Variants in SGK1 observed in about 807,000 individuals in gnomAD.
SGK1 encodes the protein serum/glucocorticoid regulated kinase 1.
SGK1 carries 26 observed loss-of-function variants against 64.2 expected under a neutral mutation model. That is an observed-to-expected ratio of 0.40 (90% confidence interval 0.30 to 0.56). The LOEUF (loss-of-function observed/expected upper bound fraction) is 0.56. Ranked by LOEUF, SGK1 falls within the 20% of genes least tolerant of loss-of-function variation. The probability of loss-of-function intolerance (pLI) is 0.38; values close to 1 mark genes in which losing one functional copy is unlikely to be tolerated. For missense variants in SGK1, 519 were observed against 645.6 expected (o/e 0.80, Z 2.12); for synonymous variants, 265 against 239.7 (o/e 1.11, Z -0.98).
At chr6:134,232,398 A>C (rs1776292930) in intron 2 of SGK1, among the ~76,000 whole-genome samples, 1 of 32,498 alleles carries the variant, frequency 3.1e-5, no homozygotes, top group Admixed American at 4.3e-4. Context: ...AAAAGAAAGA[A>C]GAAAAAGAAA....
chr6:134,171,635 AC>A lies in SGK1; in HGVS notation c.1167+1del. ...TTCCATGGTTCCCAATGTGCCACTCACCAGGCCATACAGCATCTCATACAAG... is the reference window on the plus strand; with the variant it reads ...TTCCATGGTTCCCAATGTGCCACTCACAGGCCATACAGCATCTCATACAAG... On this transcript the variant is annotated splice_donor_variant, in intron 11 of 13. Transcript: ENST00000367858. LOFTEE classifies it high-confidence loss of function. The A allele has an allele frequency of 6.2e-7, 1 of 1,607,282 alleles. No homozygotes were observed. Among genetic ancestry groups the A allele is most frequent in the Non-Finnish European group, 8.5e-7 (1 of 1,173,816 alleles).
intron 3 of SGK1, among the ~76,000 whole-genome samples, chr6:134,202,037 A>G (rs958899702): frequency 5.3e-5 from 8 of 152,198 alleles, no homozygotes; most frequent in Admixed American, 2.0e-4. Context: ...ATTCTACTCT[A>G]GGCACATCAT....
chr6:134,175,614 CAGG>C (rs1293863528), intron 3 of SGK1: 4 of 1,543,676 alleles, frequency 2.6e-6, no homozygotes, highest in Non-Finnish European at 3.5e-6. Flanking sequence ...GGGGCCGCAG[CAGG>C]GACTCGAGCC....
At chr6:134,252,616 C>CAAAAAAAAAAAAAAAAAAAA (rs11418007) in intron 2 of SGK1, among the ~76,000 whole-genome samples, 1 of 65,990 alleles carries the variant, frequency 1.5e-5, no homozygotes, top group African/African-American at 6.3e-5. Context: ...GATTCCACCT[C>CAAAAAAAAAAAAAAAAAAAA]AAAAAAAAAA....
rs199735060 is a variant in SGK1, at chr6:134,170,829, A to G, written c.1410T>C (p.Asn470=). Residue 470 remains asparagine, a synonymous_variant, in exon 13 of 14, where the codon AAT becomes AAC. Transcript: ENST00000367858. ...TAGAAGAGAGACAGATACTCACCACATTTGGGTTAAAAGGGGGAGTAATCT... is the reference window on the plus strand; with the variant it reads ...TAGAAGAGAGACAGATACTCACCACGTTTGGGTTAAAAGGGGGAGTAATCT... ...NKKITPPFNP[N]VSGPNDLRHF... 1.3e-6 allele frequency: 2 copies of G among 1,585,804 alleles called. No individual in the cohort carries two copies. The highest frequency in any genetic ancestry group is 2.2e-5 in the East Asian group (1 of 44,752).
chr6:134,183,166 GATTT>G (rs1775357579), intron 3 of SGK1, among the ~76,000 whole-genome samples: 2 of 152,242 alleles, frequency 1.3e-5, no homozygotes, highest in South Asian at 4.2e-4. Flanking sequence ...TTCATTTACT[GATTT>G]ATTGTATTGA....
intron 2 of SGK1, among the ~76,000 whole-genome samples, chr6:134,233,510 C>A (rs2114716716): frequency 6.6e-6 from 1 of 152,312 alleles, no homozygotes; most frequent in East Asian, 1.9e-4. Context: ...CAGGGCAGCA[C>A]TATGTTGAAC....
intron 2 of SGK1, among the ~76,000 whole-genome samples, chr6:134,258,985 C>A (rs1048589983): frequency 3.3e-5 from 5 of 151,428 alleles, no homozygotes; most frequent in Non-Finnish European, 5.9e-5. Context: ...AAAACCTTGT[C>A]TCAAAAAAAA....
intron 1 of SGK1, among the ~76,000 whole-genome samples, chr6:134,288,256 A>G (rs1046812933): frequency 2.6e-5 from 4 of 152,204 alleles, no homozygotes; most frequent in Admixed American, 2.0e-4. Flanking sequence ...TTCAGTAGCA[A>G]TCTGACAAGT....
At chr6:134,177,704 G>A in intron 3 of SGK1, 1 of 1,613,968 alleles carries the variant, frequency 6.2e-7, no homozygotes, top group South Asian at 1.1e-5. Context: ...CATTCTTCGG[G>A]TTGCCCAAGG....
intron 3 of SGK1, among the ~76,000 whole-genome samples, chr6:134,182,754 G>T (rs1181061068): frequency 1.3e-5 from 2 of 152,180 alleles, no homozygotes; most frequent in Non-Finnish European, 2.9e-5. Context: ...CAGGAATTCC[G>T]TGAAAGGCCT....
At chr6:134,265,526 T>A (rs1776837133) in intron 1 of SGK1, among the ~76,000 whole-genome samples, 1 of 147,242 alleles carries the variant, frequency 6.8e-6, no homozygotes. Flanking sequence ...TATATATACA[T>A]ATATATTTTA....
At chr6:134,258,920 C>T (rs746639388) in intron 2 of SGK1, among the ~76,000 whole-genome samples, 2 of 151,896 alleles carry the variant, frequency 1.3e-5, no homozygotes, top group African/African-American at 2.4e-5. Context: ...CCCTGGAGGT[C>T]GAGGCTGCAG....
At chr6:134,208,896 G>GTATATATA (rs35364662) in intron 2 of SGK1, among the ~76,000 whole-genome samples, 8,264 of 147,314 alleles carry the variant, frequency 0.056, 323 homozygotes, top group Non-Finnish European at 0.082. Flanking sequence ...GTATGTGTGT[G>GTATATATA]TATATATATA....
chr6:134,262,459 A>G (rs566061562), intron 1 of SGK1, among the ~76,000 whole-genome samples: 26 of 151,046 alleles, frequency 1.7e-4, no homozygotes, highest in African/African-American at 5.8e-4. Context: ...TTTTAGAGAT[A>G]GGGGGGTTTC....
intron 11 of SGK1, chr6:134,171,388 T>C (rs925323869): frequency 1.6e-5 from 10 of 614,032 alleles, no homozygotes; most frequent in Admixed American, 3.0e-5. Flanking sequence ...GGTGAGGGGG[T>C]AGATGTTAAT....
At chr6:134,171,217 G>C (rs1775011633) in intron 11 of SGK1, 39 bp from the exon 12 acceptor site, 1 of 1,589,114 alleles carries the variant, frequency 6.3e-7, no homozygotes, top group South Asian at 1.1e-5. Context: ...TTAATTGGAA[G>C]TTTCATATGG....
intron 1 of SGK1, among the ~76,000 whole-genome samples, chr6:134,267,414 C>G (rs1241852643): frequency 1.3e-5 from 2 of 152,034 alleles, no homozygotes; most frequent in Non-Finnish European, 2.9e-5. Flanking sequence ...CCTCTCGCCT[C>G]AGCCTCCCAG....
At chr6:134,267,269 A>C (rs1776868775) in intron 1 of SGK1, among the ~76,000 whole-genome samples, 1 of 150,256 alleles carries the variant, frequency 6.7e-6, no homozygotes, top group Non-Finnish European at 1.5e-5. Flanking sequence ...TACAGTCTGA[A>C]TATGTTCATA....
Sources: gnomAD v4.1 joint callset for allele counts (sites outside exome capture counted in the v4.1 genomes callset) on GRCh38, gnomAD v4.1.1 for gene constraint, MANE v1.5 for transcripts, NCBI Gene and HGNC (gene_info 2026-07-23, HGNC 2026-07-21) for gene names.